The following TRPM6 variants were observed in gnomAD, a reference collection of about 807,000 sequenced individuals.
The protein encoded by TRPM6 is channel kinase 2.
In TRPM6, 111 loss-of-function variants were observed where a neutral mutation model predicts 247.6. That is an observed-to-expected ratio of 0.45 (90% CI 0.38 to 0.52). The LOEUF is 0.52. TRPM6 is among the 20% of genes least tolerant of loss of function. TRPM6 has a pLI of 0.00. For missense variants in TRPM6, 2,126 were observed against 2,421.5 expected (o/e 0.88, Z 2.56); for synonymous variants, 892 against 853.8 (o/e 1.04, Z -0.78).
At chr9:74,740,341 T>A (rs529451260) in intron 33 of TRPM6, among the ~76,000 whole-genome samples, 1 of 152,316 alleles carries the variant, frequency 6.6e-6, no homozygotes, top group South Asian at 2.1e-4. Flanking sequence ...AAAGAGACGG[T>A]TTAACCTGAT....
At chr9:74,761,160 T>C (rs1009072685) in intron 27 of TRPM6, among the ~76,000 whole-genome samples, 1 of 152,208 alleles carries the variant, frequency 6.6e-6, no homozygotes, top group Non-Finnish European at 1.5e-5. Flanking sequence ...AAATTACTGG[T>C]GGGCATGTAA....
chr9:74,784,878 G>A (rs1335149034), intron 21 of TRPM6, among the ~76,000 whole-genome samples: 1 of 152,190 alleles, frequency 6.6e-6, no homozygotes, highest in Non-Finnish European at 1.5e-5. Flanking sequence ...TTGGGAGGCT[G>A]AGGCAGGAGG....
intron 37 of TRPM6, among the ~76,000 whole-genome samples, chr9:74,730,720 G>A (rs781165661): frequency 3.3e-5 from 5 of 152,134 alleles, no homozygotes; most frequent in Admixed American, 2.6e-4. Context: ...CCCATGCTTC[G>A]TGTAGCAAGT....
At chr9:74,804,810 A>T in intron 14 of TRPM6, 1 of 595,020 alleles carries the variant, frequency 1.7e-6, no homozygotes, top group Non-Finnish European at 3.0e-6. Flanking sequence ...ACATGGAAAT[A>T]AGCTTAATGT....
At chr9:74,802,311 A>G (rs900518253) in intron 15 of TRPM6, 136 bp from the exon 16 acceptor site, 109 of 840,912 alleles carry the variant, frequency 1.3e-4, no homozygotes, top group Non-Finnish European at 2.0e-4. Context: ...ATAAGATTTT[A>G]CAAGCCAGCA....
chr9:74,837,308 G>A (rs1829757388), intron 5 of TRPM6, among the ~76,000 whole-genome samples: 1 of 152,206 alleles, frequency 6.6e-6, no homozygotes, highest in Non-Finnish European at 1.5e-5. Context: ...TGCAGGTCTG[G>A]GGTGGGGCCT....
chr9:74,750,188 A>G (rs1826193831), intron 30 of TRPM6, among the ~76,000 whole-genome samples: 1 of 152,190 alleles, frequency 6.6e-6, no homozygotes, highest in Non-Finnish European at 1.5e-5. Context: ...TTTGATGATT[A>G]GCATGCTACT....
intron 3 of TRPM6, among the ~76,000 whole-genome samples, chr9:74,854,275 G>A (rs1483576178): frequency 1.3e-5 from 2 of 152,188 alleles, no homozygotes; most frequent in East Asian, 3.9e-4. Flanking sequence ...GTTCACGTTA[G>A]TTGTCTCTGA....
chr9:74,878,750 CATA>C (rs779234274), intron 1 of TRPM6, among the ~76,000 whole-genome samples: 7 of 152,116 alleles, frequency 4.6e-5, no homozygotes, highest in Non-Finnish European at 7.4e-5. Flanking sequence ...TCCAAAGGAA[CATA>C]ATAATTCTCC....
intron 1 of TRPM6, among the ~76,000 whole-genome samples, chr9:74,869,858 G>T (rs1192219919): frequency 3.3e-5 from 5 of 152,132 alleles, no homozygotes; most frequent in Admixed American, 3.3e-4. Flanking sequence ...GGAAGGCTCT[G>T]CCTTGAAGTA....
chr9:74,732,792 T>C, intron 36 of TRPM6, 56 bp from the exon 37 acceptor site: 1 of 1,258,582 alleles, frequency 7.9e-7, no homozygotes, highest in South Asian at 1.3e-5. Flanking sequence ...TTCTTAGAAA[T>C]TCAAGAAAAT....
At chr9:74,739,612 A>C in intron 34 of TRPM6, 111 bp downstream of exon 34, 1 of 1,550,154 alleles carries the variant, frequency 6.5e-7, no homozygotes, top group Non-Finnish European at 8.9e-7. Flanking sequence ...CCTCTAAAAA[A>C]TAATAGGCTC....
chr9:74,786,176 C>A (rs751497412), intron 20 of TRPM6, 51 bp from the exon 21 acceptor site: 1 of 1,597,052 alleles, frequency 6.3e-7, no homozygotes, highest in Non-Finnish European at 8.6e-7. Context: ...CCAAAGAATC[C>A]CATCAATATG....
intron 25 of TRPM6, among the ~76,000 whole-genome samples, chr9:74,764,701 T>A (rs1327281746): frequency 6.6e-6 from 1 of 152,208 alleles, no homozygotes; most frequent in Non-Finnish European, 1.5e-5. Context: ...TTACAACATG[T>A]ATGAGTTGAT....
In TRPM6 at chr9:74,868,556, G is replaced by A. The variant is rs368606553; in HGVS notation, c.34-9808C>T. On this transcript the variant is annotated intron_variant, in intron 1 of 38. Transcript: ENST00000360774. Reference sequence around the variant, plus strand: ...CCCAAATGCCACCAGCAAATGAGAAGCACTTATGTTAACAAATGGATACTA... The same window carrying A: ...CCCAAATGCCACCAGCAAATGAGAAACACTTATGTTAACAAATGGATACTA... Among the ~76,000 whole-genome samples, 18 of 152,162 alleles carry A rather than the reference G, an allele frequency of 1.2e-4. No individual in the cohort carries two copies. In the East Asian group the frequency reaches 1.9e-3, roughly 16 times the overall value.
At chr9:74,841,505 C>CA (rs997892445) in intron 4 of TRPM6, among the ~76,000 whole-genome samples, 1 of 148,800 alleles carries the variant, frequency 6.7e-6, no homozygotes, top group African/African-American at 2.5e-5. Flanking sequence ...CTTTGAACTT[C>CA]TTTTTTTTTT....
chr9:74,828,029 T>C (rs1028344670), intron 6 of TRPM6, 80 bp from the exon 7 acceptor site: 9 of 1,445,862 alleles, frequency 6.2e-6, no homozygotes, highest in Admixed American at 1.8e-5. Context: ...CCTATCTTTA[T>C]GTGCTAAAAG....
chr9:74,781,161 C>G (rs1271896032), intron 23 of TRPM6, among the ~76,000 whole-genome samples: 1 of 151,920 alleles, frequency 6.6e-6, no homozygotes, highest in Non-Finnish European at 1.5e-5. Flanking sequence ...CAGGTCCGGG[C>G]TCAGGGACAT....
At chr9:74,874,941 CT>C (rs1554739062) in intron 1 of TRPM6, among the ~76,000 whole-genome samples, 1 of 149,226 alleles carries the variant, frequency 6.7e-6, no homozygotes, top group African/African-American at 2.5e-5. Flanking sequence ...TTTTTTGCTA[CT>C]TTTAGTAGAG....
Sources: allele counts gnomAD v4.1 joint callset (sites outside exome capture counted in the v4.1 genomes callset), GRCh38; gene constraint gnomAD v4.1.1; transcripts MANE v1.5; gene names NCBI Gene and HGNC (gene_info 2026-07-23, HGNC 2026-07-21).